The following TBCK variants were observed in gnomAD, a reference collection of about 807,000 sequenced individuals.
TBCK encodes TBC domain-containing protein kinase-like protein.
In TBCK, 99 loss-of-function variants were observed where a neutral mutation model predicts 113.4. That is an observed-to-expected ratio of 0.87 (90% CI 0.74 to 1.03). TBCK has a LOEUF of 1.03. TBCK is among the 50% of genes least tolerant of loss of function. The probability of loss-of-function intolerance (pLI) is 0.00; values close to 1 mark genes in which losing one functional copy is unlikely to be tolerated. For synonymous variants in TBCK, 369 were observed against 370.8 expected (o/e 1.00, Z 0.05); for missense variants, 1,045 against 1,061.3 (o/e 0.98, Z 0.21).
rs529513962 is a variant in TBCK, at chr4:106,230,535, G to T, written c.1691-89C>A. 8.3e-6 allele frequency: 5 copies of T among 601,802 alleles called. No homozygotes were observed. In the Admixed American group the frequency reaches 1.2e-4, roughly 14 times the overall value. 37.3% of individuals were successfully genotyped at this position (601,802 alleles called of 1,614,324 possible). On this transcript the variant is annotated intron_variant, in intron 18 of 25. Transcript: ENST00000394708. ...TGCATTCACTTAGCACATATTCCTT[G>T]AAACTACTATTAAATAACAGTTATG... is the stretch of plus-strand genomic sequence containing the variant.
chr4:106,132,155 C>G (rs1225555138), intron 23 of TBCK, among the ~76,000 whole-genome samples: 1 of 152,212 alleles, frequency 6.6e-6, no homozygotes, highest in Non-Finnish European at 1.5e-5. Context: ...TGTTAATCAC[C>G]AAGACAATGG....
In TBCK at chr4:106,235,360, G is replaced by T; in HGVS notation, c.1358C>A (p.Pro453Gln). The change falls in exon 15 of 26, where the codon CCA (proline) becomes CAA (glutamine). Residue 453 changes from proline (P) to glutamine (Q), a missense_variant. Coordinates refer to ENST00000394708, the MANE Select transcript of TBCK (RefSeq NM_001163435.3). The stretch of plus-strand genomic sequence containing the variant: ...TTTCCAGATTTGGTTTTTTTTATAT[G>T]GATAAGCCTATGATATCAAAAAAGA... ...ILFDRLLKAY[P>Q]YKKNQIWKEA... 3.1e-6 allele frequency: 5 copies of T among 1,600,272 alleles called. No homozygotes were observed. Among genetic ancestry groups the T allele is most frequent in the Non-Finnish European group, 4.3e-6 (5 of 1,172,444 alleles).
intron 3 of TBCK, among the ~76,000 whole-genome samples, chr4:106,268,934 C>T (rs1208108730): frequency 2.6e-5 from 4 of 152,018 alleles, no homozygotes; most frequent in African/African-American, 9.7e-5. Flanking sequence ...TCCTCAGATC[C>T]ATGATCCATG....
intron 25 of TBCK, among the ~76,000 whole-genome samples, chr4:106,066,085 G>T (rs1256130579): frequency 6.6e-6 from 1 of 151,936 alleles, no homozygotes; most frequent in Non-Finnish European, 1.5e-5. Context: ...ATATTAAAAT[G>T]GTATCACATG....
Position 106,141,571 on chromosome 4 carries a change from T to C in TBCK, c.2236-25193A>G, listed in dbSNP as rs1747146118. Among the ~76,000 whole-genome samples the C allele has an allele frequency of 1.4e-5, 2 of 140,526 alleles. 1 individual carries two copies. Among genetic ancestry groups the C allele is most frequent in the East Asian group, 4.0e-4 (2 of 4,956 alleles). 92.2% of individuals were successfully genotyped at this position (140,526 alleles called of 152,430 possible). ...TGTCCTTAATCACTATATCAAACTG[T>C]TGGTGAAATCAACAATCTTTCTATG... On this transcript the variant is annotated intron_variant, in intron 23 of 25. Coordinates refer to ENST00000394708, the MANE Select transcript of TBCK (RefSeq NM_001163435.3).
chr4:106,194,659 G>A, intron 21 of TBCK, 59 bp downstream of exon 21: 1 of 1,262,180 alleles, frequency 7.9e-7, no homozygotes, highest in Non-Finnish European at 1.1e-6. Context: ...ATATGGGGAG[G>A]CATCGGGCTG....
intron 3 of TBCK, among the ~76,000 whole-genome samples, chr4:106,272,488 ATT>A (rs746246379): frequency 0.015 from 1,882 of 124,478 alleles, 17 homozygotes; most frequent in Middle Eastern, 0.07. Flanking sequence ...TGTTTATTTA[ATT>A]TTTTTTTTTT....
At chr4:106,223,661 C>T (rs1322430001) in intron 19 of TBCK, among the ~76,000 whole-genome samples, 1 of 152,074 alleles carries the variant, frequency 6.6e-6, no homozygotes, top group Non-Finnish European at 1.5e-5. Context: ...TATATGATAT[C>T]TCCTCTTATC....
intron 5 of TBCK, among the ~76,000 whole-genome samples, chr4:106,255,347 G>T (rs1260621403): frequency 6.6e-6 from 1 of 152,228 alleles, no homozygotes; most frequent in Non-Finnish European, 1.5e-5. Flanking sequence ...TCGTGCTACT[G>T]GCCTGGATGC....
In TBCK at chr4:106,295,079, G is replaced by C. The variant is rs771883795; in HGVS notation, c.266+15C>G. 2.5e-6 allele frequency: 4 copies of C among 1,585,768 alleles called. No homozygotes were observed. Among genetic ancestry groups the C allele is most frequent in the Non-Finnish European group, 3.4e-6 (4 of 1,163,604 alleles). On this transcript the variant is annotated intron_variant, in intron 3 of 25. Coordinates refer to ENST00000394708, the MANE Select transcript of TBCK (RefSeq NM_001163435.3). ...GTTCTGCTTTTCATTTAATTGTTCT[G>C]ATACTATACAGTACCTCACAGGTTT...
intron 25 of TBCK, among the ~76,000 whole-genome samples, chr4:106,055,615 C>T (rs1171094245): frequency 6.6e-6 from 1 of 151,180 alleles, no homozygotes; most frequent in East Asian, 2.0e-4. Flanking sequence ...TCAAAATGGT[C>T]TTTTCCTTTC....
At chr4:106,242,215 T>C (rs1760223986) in intron 12 of TBCK, among the ~76,000 whole-genome samples, 1 of 152,042 alleles carries the variant, frequency 6.6e-6, no homozygotes, top group Non-Finnish European at 1.5e-5. Flanking sequence ...TAAAAGAAAG[T>C]GTTACCAGGT....
At chr4:106,250,765 A>G (rs1336893194) in intron 6 of TBCK, among the ~76,000 whole-genome samples, 1 of 151,976 alleles carries the variant, frequency 6.6e-6, no homozygotes, top group African/African-American at 2.4e-5. Context: ...ACATACCTGG[A>G]TATCTAGATG....
At chr4:106,235,512 T>A in intron 14 of TBCK, 145 bp from the exon 15 acceptor site, 1 of 476,514 alleles carries the variant, frequency 2.1e-6, no homozygotes, top group Non-Finnish European at 3.6e-6. Context: ...CTGGTGTTAT[T>A]AATACACATA....
chr4:106,231,371 T>C (rs1758840199), intron 18 of TBCK, among the ~76,000 whole-genome samples: 2 of 151,738 alleles, frequency 1.3e-5, no homozygotes, highest in Non-Finnish European at 3.0e-5. Flanking sequence ...AAAGTCTTCA[T>C]TAAGGAAGAG....
chr4:106,048,355 C>T (rs1421188386), intron 25 of TBCK, among the ~76,000 whole-genome samples: 2 of 152,146 alleles, frequency 1.3e-5, no homozygotes, highest in East Asian at 1.9e-4. Context: ...GAGATTCAAA[C>T]GGCTGTTCAT....
chr4:106,313,444 T>C (rs929084543), intron 1 of TBCK, among the ~76,000 whole-genome samples: 1 of 152,160 alleles, frequency 6.6e-6, no homozygotes, highest in African/African-American at 2.4e-5. Flanking sequence ...TTTGATTCTA[T>C]ATACAGCCAA....
chr4:106,083,615 C>A (rs998751884), intron 25 of TBCK, among the ~76,000 whole-genome samples: 3 of 152,224 alleles, frequency 2.0e-5, no homozygotes, highest in Non-Finnish European at 4.4e-5. Context: ...GTCCTGCTCC[C>A]TGTGCCACCC....
chr4:106,083,073 C>T (rs538681111), intron 25 of TBCK, among the ~76,000 whole-genome samples: 6 of 152,320 alleles, frequency 3.9e-5, no homozygotes, highest in South Asian at 2.1e-4. Flanking sequence ...CTAACTCTTG[C>T]GGGGAGAGGC....
Sources: allele counts gnomAD v4.1 joint callset (sites outside exome capture counted in the v4.1 genomes callset), GRCh38; gene constraint gnomAD v4.1.1; transcripts MANE v1.5; gene names NCBI Gene and HGNC (gene_info 2026-07-23, HGNC 2026-07-21).